COBL: variants seen among roughly 807,000 people sequenced by gnomAD.
The protein encoded by COBL is cordon-bleu WH2 repeat protein.
Under a neutral mutation model 98.8 loss-of-function variants are expected in COBL, and 51 were observed. The ratio of observed to expected loss-of-function variants is 0.52; its 90% CI spans 0.41 to 0.65. COBL has a LOEUF of 0.65. Ranked by LOEUF, COBL falls within the 30% of genes least tolerant of loss-of-function variation. The pLI is 0.00. For missense variants in COBL, 1,617 were observed against 1,617.5 expected, an observed-to-expected ratio of 1.00 and a Z score of 0.01; for synonymous variants, 634 against 651.7, an observed-to-expected ratio of 0.97 and a Z score of 0.41.
chr7:51,217,914 C>T (rs1410127865), intron 2 of COBL, among the ~76,000 whole-genome samples: 1 of 152,196 alleles, frequency 6.6e-6, no homozygotes, highest in Non-Finnish European at 1.5e-5. Flanking sequence ...ATCGAACTGC[C>T]GCAAGAGATA....
At chr7:51,097,955 C>T (rs1015516417) in intron 6 of COBL, among the ~76,000 whole-genome samples, 5 of 143,774 alleles carry the variant, frequency 3.5e-5, no homozygotes, top group East Asian at 2.1e-4. Flanking sequence ...ACCCGGCAGG[C>T]GGAGATTGCA....
intron 2 of COBL, among the ~76,000 whole-genome samples, chr7:51,197,992 T>A: frequency 6.6e-6 from 1 of 152,324 alleles, no homozygotes; most frequent in East Asian, 1.9e-4. Context: ...GCCTTTTAAT[T>A]GGGGCATTTA....
At chr7:51,051,765 C>T (rs1250015120) in intron 7 of COBL, among the ~76,000 whole-genome samples, 8 of 152,316 alleles carry the variant, frequency 5.3e-5, no homozygotes, top group East Asian at 1.9e-4. Context: ...GGGACAGAGA[C>T]GGACGCTTGC....
intron 5 of COBL, among the ~76,000 whole-genome samples, chr7:51,158,905 C>T (rs28502403): frequency 6.6e-6 from 1 of 150,734 alleles, no homozygotes; most frequent in South Asian, 2.1e-4. Context: ...GGCACAGCGC[C>T]GGGGACAGGG....
chr7:51,028,331 G>A lies in COBL; in HGVS notation c.2765C>T (p.Thr922Ile), dbSNP rs757095529. The change falls in exon 10 of 13, where the codon ACA (threonine) becomes ATA (isoleucine). Residue 922 changes from threonine to isoleucine, a missense_variant. Physicochemically the swap from Thr to Ile is moderately conservative, Grantham distance 89 (BLOSUM62 -1). Transcript: ENST00000265136. Reference sequence around the variant, plus strand: ...CTGGGCACCATCCTTCCATCCTTGTGTCTCTGAGTGTGGGCTGGATGTCCT... The same window carrying A: ...CTGGGCACCATCCTTCCATCCTTGTATCTCTGAGTGTGGGCTGGATGTCCT... ...DDRTSSPHSETQGWKDGAQWP... is the reference protein window; with the variant it reads ...DDRTSSPHSEIQGWKDGAQWP... 6.2e-7 allele frequency: 1 copy of A among 1,614,254 alleles called. No individual in the cohort carries two copies. Among genetic ancestry groups the A allele is most frequent in the South Asian group, 1.1e-5 (1 of 91,086 alleles).
chr7:51,215,382 T>C (rs1792932266), intron 2 of COBL, among the ~76,000 whole-genome samples: 1 of 152,238 alleles, frequency 6.6e-6, no homozygotes, highest in African/African-American at 2.4e-5. Context: ...TTTGTTTTTT[T>C]CAGCTTTGTT....
chr7:51,224,018 T>C (rs1428706542), intron 1 of COBL, among the ~76,000 whole-genome samples: 1 of 152,216 alleles, frequency 6.6e-6, no homozygotes, highest in Admixed American at 6.5e-5. Context: ...TATGGTTAGA[T>C]ATGTTGAGAC....
At chr7:51,279,578 C>T (rs1056678880) in intron 1 of COBL, among the ~76,000 whole-genome samples, 7 of 152,196 alleles carry the variant, frequency 4.6e-5, no homozygotes, top group Admixed American at 6.5e-5. Context: ...CGACAACCCA[C>T]GCCCCACCAG....
intron 1 of COBL, chr7:51,260,260 C>T (rs1797600098): frequency 2.0e-6 from 1 of 492,090 alleles, no homozygotes; most frequent in Non-Finnish European, 3.6e-6. Flanking sequence ...TTTTTAAAGA[C>T]CTAAAATAAA....
intron 1 of COBL, among the ~76,000 whole-genome samples, chr7:51,256,733 T>C (rs992750801): frequency 2.6e-5 from 4 of 152,330 alleles, no homozygotes; most frequent in South Asian, 4.1e-4. Flanking sequence ...TGAGACTTGA[T>C]GAAGGTCACC....
At chr7:51,257,354 T>C (rs1406646978) in intron 1 of COBL, among the ~76,000 whole-genome samples, 2 of 152,084 alleles carry the variant, frequency 1.3e-5, no homozygotes, top group Non-Finnish European at 1.5e-5. Context: ...GACCAAACAA[T>C]GCAGTCGAAT....
chr7:51,067,536 G>A lies in COBL; in HGVS notation c.1096+17630C>T, dbSNP rs540399953. On this transcript the variant is annotated intron_variant, in intron 7 of 12. Coordinates refer to ENST00000265136, the MANE Select transcript of COBL (RefSeq NM_015198.5). ...TGGGTGCACATGCATGTATGCACAT[G>A]TATGTGTGCATGTATACACATACAC... 8.5e-5 allele frequency among the ~76,000 whole-genome samples: 13 copies of A among 152,300 alleles called. No individual in the cohort carries two copies. The East Asian group carries it at 2.5e-3, about 30-fold the overall frequency.
At chr7:51,160,779 G>A (rs1170590850) in intron 5 of COBL, among the ~76,000 whole-genome samples, 3 of 152,144 alleles carry the variant, frequency 2.0e-5, no homozygotes, top group Non-Finnish European at 4.4e-5. Context: ...AAAGAACTAT[G>A]CAGATACTGA....
intron 1 of COBL, among the ~76,000 whole-genome samples, chr7:51,227,601 T>A (rs1034876643): frequency 1.3e-5 from 2 of 152,154 alleles, no homozygotes; most frequent in South Asian, 4.1e-4. Flanking sequence ...TCCTTAGACT[T>A]GTGCAGAGAC....
chr7:51,019,346 A>G (rs575294662), intron 12 of COBL, among the ~76,000 whole-genome samples: 1 of 152,060 alleles, frequency 6.6e-6, no homozygotes, highest in Non-Finnish European at 1.5e-5. Context: ...AGACTCATGG[A>G]ACTTGTGATG....
intron 2 of COBL, among the ~76,000 whole-genome samples, chr7:51,212,861 A>G (rs1313250944): frequency 6.6e-6 from 1 of 152,176 alleles, no homozygotes. Context: ...ATTTCTAACA[A>G]GTTCTCAAGT....
intron 9 of COBL, 55 bp downstream of exon 9, chr7:51,030,757 T>A: frequency 9.0e-7 from 1 of 1,112,958 alleles, no homozygotes; most frequent in Non-Finnish European, 1.4e-6. Context: ...AAGTTACTGT[T>A]GGCACCTACT....
At chr7:51,151,178 G>A (rs899418316) in intron 5 of COBL, among the ~76,000 whole-genome samples, 5 of 41,540 alleles carry the variant, frequency 1.2e-4, no homozygotes, top group Admixed American at 6.3e-4. Flanking sequence ...CAGTTCAGCT[G>A]CTGTACATAG....
intron 1 of COBL, among the ~76,000 whole-genome samples, chr7:51,236,237 C>T (rs1384243004): frequency 6.6e-6 from 1 of 152,164 alleles, no homozygotes; most frequent in Admixed American, 6.5e-5. Context: ...TGGAAAAATC[C>T]AGTTTCTGTT....
Sources: gnomAD v4.1 joint callset for allele counts (sites outside exome capture counted in the v4.1 genomes callset) on GRCh38, gnomAD v4.1.1 for gene constraint, MANE v1.5 for transcripts, NCBI Gene and HGNC (gene_info 2026-07-23, HGNC 2026-07-21) for gene names.